The following PTPRE variants were observed in gnomAD, a reference collection of about 807,000 sequenced individuals.
The protein encoded by PTPRE is receptor-type tyrosine-protein phosphatase epsilon.
In PTPRE, 51 loss-of-function variants were observed where a neutral mutation model predicts 102.0. That is an observed-to-expected ratio of 0.50 (90% CI 0.40 to 0.63). The LOEUF (loss-of-function observed/expected upper bound fraction) is 0.63. PTPRE is among the 30% of genes least tolerant of loss of function. The probability of loss-of-function intolerance (pLI) is 0.00; values close to 1 mark genes in which losing one functional copy is unlikely to be tolerated. For synonymous variants in PTPRE, 345 were observed against 348.2 expected, an observed-to-expected ratio of 0.99 and a Z score of 0.10; for missense variants, 752 against 915.1, an observed-to-expected ratio of 0.82 and a Z score of 2.30.
At chr10:127,939,861 T>C (rs1380372030) in intron 1 of PTPRE, among the ~76,000 whole-genome samples, 1 of 139,032 alleles carries the variant, frequency 7.2e-6, no homozygotes, top group Non-Finnish European at 1.5e-5. Flanking sequence ...TGTGGGCAGG[T>C]GGAGGCAGGA....
At chr10:127,951,656 G>T (rs554100204) in intron 1 of PTPRE, among the ~76,000 whole-genome samples, 4 of 152,314 alleles carry the variant, frequency 2.6e-5, no homozygotes, top group African/African-American at 9.6e-5. Context: ...CCTCACATTG[G>T]CTCCCTGACC....
chr10:128,067,926 C>T (rs1408782990), intron 11 of PTPRE, among the ~76,000 whole-genome samples, 197 bp from the exon 12 acceptor site: 1 of 152,052 alleles, frequency 6.6e-6, no homozygotes, highest in African/African-American at 2.4e-5. Flanking sequence ...TGTTCTGTGG[C>T]CCCAAAAGCA....
At position 128,066,186 on chromosome 10, in the gene PTPRE, A is replaced by G. The variant is rs758024988; in HGVS notation, c.835A>G (p.Ile279Val). ...LVDYTIRKFC[I>V]QPQLPDGCKA... Reference sequence around the variant, plus strand: ...CGACTACACCATCCGGAAGTTCTGCATACAGCCAGTAAGCATCTCTAGTTG... The same window carrying G: ...CGACTACACCATCCGGAAGTTCTGCGTACAGCCAGTAAGCATCTCTAGTTG... Residue 279 changes from isoleucine (I) to valine (V), a missense_variant, in exon 11 of 21, where the codon ATA becomes GTA. By Grantham distance (29) the Ile-to-Val change is conservative. This residue lies in a region of PTPRE where 636 missense variants were observed against 824.4 expected (regional missense o/e 0.77). Coordinates refer to ENST00000254667, the MANE Select transcript of PTPRE (RefSeq NM_006504.6). The G allele has an allele frequency of 1.2e-6, 2 of 1,613,894 alleles. No homozygotes were observed. The highest frequency in any genetic ancestry group is 2.7e-5 in the African/African-American group (2 of 74,948).
At chr10:127,991,117 C>G (rs535797863) in intron 2 of PTPRE, among the ~76,000 whole-genome samples, 15 of 152,322 alleles carry the variant, frequency 9.8e-5, no homozygotes, top group Middle Eastern at 3.4e-3. Flanking sequence ...CTCTGTTCCC[C>G]TCTTAGGGGA....
At position 127,982,295 on chromosome 10, in the gene PTPRE, C is replaced by T. The variant is rs764560888; in HGVS notation, c.-9C>T. 5.5e-6 allele frequency: 7 copies of T among 1,264,010 alleles called. No homozygotes were observed. The highest frequency in any genetic ancestry group is 5.6e-5 in the East Asian group (1 of 17,860). 78.3% of individuals were successfully genotyped at this position (1,264,010 alleles called of 1,614,324 possible). A position where few individuals can be genotyped will look rare whatever the true frequency, so the allele number is the denominator to read the frequency against. ...TCAGACTATAGCCTTCACTTTCCCT[C>T]GGTGAGTACAAAACTTTTTAAAAAT... On this transcript the variant is annotated splice_region_variant and 5_prime_UTR_variant, in exon 2 of 21. Coordinates refer to ENST00000254667, the MANE Select transcript of PTPRE (RefSeq NM_006504.6).
At chr10:128,080,674 G>A (rs538482280) in intron 20 of PTPRE, among the ~76,000 whole-genome samples, 39 of 152,296 alleles carry the variant, frequency 2.6e-4, no homozygotes, top group African/African-American at 9.1e-4. Context: ...CTTCCTGACC[G>A]CAGCTTGCCC....
At position 128,063,320 on chromosome 10, in the gene PTPRE, T is replaced by C. The variant is rs558905114; in HGVS notation, c.723+140T>C. 2.1e-5 allele frequency: 30 copies of C among 1,433,156 alleles called. No homozygotes were observed. The African/African-American group carries it at 3.8e-4, about 18-fold the overall frequency. The allele number at this position is 1,433,156 out of a possible 1,614,324, so 88.8% of individuals were successfully genotyped here. Reference sequence around the variant, plus strand: ...CAGAAAAAAACCCAAACACATGCAGTGGCTTACAGCATTTTCTTCACGAAA... The same window carrying C: ...CAGAAAAAAACCCAAACACATGCAGCGGCTTACAGCATTTTCTTCACGAAA... On this transcript the variant is annotated intron_variant, in intron 10 of 20. Transcript: ENST00000254667.
intron 7 of PTPRE, among the ~76,000 whole-genome samples, chr10:128,056,627 C>T (rs1455219517): frequency 6.6e-6 from 1 of 152,234 alleles, no homozygotes; most frequent in Non-Finnish European, 1.5e-5. Context: ...CTGCAAATCC[C>T]TAGAGTTGTC....
intron 3 of PTPRE, among the ~76,000 whole-genome samples, chr10:128,041,818 G>A (rs996863649): frequency 3.9e-5 from 6 of 152,144 alleles, no homozygotes; most frequent in African/African-American, 1.4e-4. Context: ...GAGCAAGAGG[G>A]AAGTGGGGGT....
intron 1 of PTPRE, among the ~76,000 whole-genome samples, chr10:127,920,232 A>T (rs1366294366): frequency 6.6e-6 from 1 of 152,220 alleles, no homozygotes. Context: ...CTAGTAACAA[A>T]TGACACAAGG....
At chr10:127,956,624 G>A (rs117123847) in intron 1 of PTPRE, among the ~76,000 whole-genome samples, 2,793 of 152,288 alleles carry the variant, frequency 0.018, 29 homozygotes, top group South Asian at 0.042. Flanking sequence ...TGTTAAGTGT[G>A]TTTAGTTTTA....
chr10:128,061,630 C>T (rs756262498), intron 8 of PTPRE, 49 bp from the exon 9 acceptor site: 3 of 1,558,400 alleles, frequency 1.9e-6, no homozygotes, highest in Non-Finnish European at 2.6e-6. Context: ...CAAATCCTTT[C>T]AGCAAAGATA....
Position 128,047,825 on chromosome 10 carries a change from T to G in PTPRE, c.271T>G (p.Leu91Val). The G allele has an allele frequency of 6.2e-7, 1 of 1,602,100 alleles. No individual in the cohort carries two copies. The highest frequency in any genetic ancestry group is 8.5e-7 in the Non-Finnish European group (1 of 1,170,882). The change falls in exon 5 of 21, where the codon TTG becomes GTG. Residue 91 changes from leucine to valine, a missense_variant. Leu to Val is a conservative substitution (Grantham distance 32). Around this residue, in one of 2 missense-constraint regions of PTPRE, gnomAD observed 636 missense variants for 824.4 expected, o/e 0.77. Transcript: ENST00000254667. The part of the protein sequence containing the change: ...TSDKKMPNGI[L>V]EEQEQQRVML... ...CGACAAGAAGATGCCCAACGGAATC[T>G]TGGAGGAGCAAGGTACAGAAGCTGC... is the stretch of plus-strand genomic sequence containing the variant.
At chr10:128,057,414 G>A (rs560291139) in intron 7 of PTPRE, among the ~76,000 whole-genome samples, 3 of 152,138 alleles carry the variant, frequency 2.0e-5, no homozygotes, top group African/African-American at 7.2e-5. Flanking sequence ...ATCCCACCCT[G>A]CCAGGGCCTT....
intron 10 of PTPRE, 114 bp from the exon 11 acceptor site, chr10:128,065,961 G>C: frequency 2.1e-6 from 3 of 1,458,028 alleles, no homozygotes; most frequent in Non-Finnish European, 2.9e-6. Context: ...TCTCAGCTGT[G>C]GGAGCTGTGT....
At chr10:127,919,619 G>C (rs1846451653) in intron 1 of PTPRE, among the ~76,000 whole-genome samples, 1 of 152,214 alleles carries the variant, frequency 6.6e-6, no homozygotes, top group South Asian at 2.1e-4. Flanking sequence ...TTATTCATCT[G>C]TTTAGACAGA....
intron 2 of PTPRE, among the ~76,000 whole-genome samples, chr10:128,011,450 G>A (rs1276610672): frequency 1.2e-4 from 18 of 152,222 alleles, no homozygotes; most frequent in Admixed American, 1.2e-3. Context: ...AAGGTTCTGA[G>A]CGTGGCCTGG....
chr10:128,034,332 C>A (rs568364071), intron 2 of PTPRE, among the ~76,000 whole-genome samples: 56 of 151,976 alleles, frequency 3.7e-4, no homozygotes, highest in Admixed American at 2.5e-3. Flanking sequence ...ACCACCCCCC[C>A]CACCGACACA....
At chr10:127,984,078 C>CTTTTTTTTTT (rs58130253) in intron 2 of PTPRE, among the ~76,000 whole-genome samples, 1 of 125,392 alleles carries the variant, frequency 8.0e-6, no homozygotes, top group African/African-American at 3.2e-5. Context: ...TTCTTTCTTT[C>CTTTTTTTTTT]TTTTTTTTTT....
Sources: allele counts gnomAD v4.1 joint callset (sites outside exome capture counted in the v4.1 genomes callset), GRCh38; gene constraint gnomAD v4.1.1; regional missense constraint gnomAD v4.1.1; transcripts MANE v1.5; gene names NCBI Gene and HGNC (gene_info 2026-07-23, HGNC 2026-07-21).